Variants in EVC2 observed in about 807,000 individuals in gnomAD.
EVC2 encodes the protein EvC ciliary complex subunit 2, also known as limbin.
Under a neutral mutation model 149.3 loss-of-function variants are expected in EVC2, and 148 were observed. The observed-to-expected ratio is 0.99, with a 90% CI of 0.87 to 1.14. The LOEUF is 1.14. EVC2 is among the 50% of genes most tolerant of loss of function. The pLI is 0.00. For synonymous variants in EVC2, 776 were observed against 649.9 expected, an observed-to-expected ratio of 1.19 and a Z score of -2.95; for missense variants, 1,854 against 1,627.3, an observed-to-expected ratio of 1.14 and a Z score of -2.40.
chr4:5,591,343 G>T (rs576117632), intron 16 of EVC2, among the ~76,000 whole-genome samples: 19 of 152,242 alleles, frequency 1.2e-4, no homozygotes, highest in African/African-American at 4.6e-4. Flanking sequence ...GAGAAATAAA[G>T]GTCTCCTTCC....
chr4:5,649,011 T>C (rs1284183032), intron 9 of EVC2, among the ~76,000 whole-genome samples: 1 of 152,196 alleles, frequency 6.6e-6, no homozygotes, highest in Non-Finnish European at 1.5e-5. Context: ...CTCTATGGCA[T>C]TGTGCCATTT....
chr4:5,633,672 G>A lies in EVC2; in HGVS notation c.1471-1640C>T, dbSNP rs1377219346. Among the ~76,000 whole-genome samples the A allele has an allele frequency of 2.6e-5, 4 of 152,238 alleles. No homozygotes were observed. Among genetic ancestry groups the A allele is most frequent in the African/African-American group, 9.6e-5 (4 of 41,482 alleles). ...GCCTGGCCTTGGGAAGCAGGCAGGT[G>A]TGGCATCATGCCATGGCTGGGCTGA... On this transcript the variant is annotated intron_variant, in intron 10 of 21. Coordinates refer to ENST00000344408, the MANE Select transcript of EVC2 (RefSeq NM_147127.5). The surrounding 1 kb of genome is among the most constrained non-coding windows in gnomAD (Gnocchi z 4.4).
rs73074114 is a variant in EVC2, at chr4:5,570,911, G to A, written c.3361-2271C>T. Among the ~76,000 whole-genome samples, 420 of 152,260 alleles carry A rather than the reference G, an allele frequency of 2.8e-3. 2 individuals carry two copies. Among genetic ancestry groups the A allele is most frequent in the African/African-American group, 8.4e-3 (348 of 41,550 alleles). ...ACTCAGGAATGGAAAACCATATATT[G>A]TATGTTCTCACTTATGAGGAGGAGC... On this transcript the variant is annotated intron_variant, in intron 19 of 21. Transcript: ENST00000344408.
intron 16 of EVC2, among the ~76,000 whole-genome samples, chr4:5,599,414 A>C (rs1325820144): frequency 1.1e-4 from 17 of 152,220 alleles, no homozygotes; most frequent in East Asian, 1.9e-4. Flanking sequence ...AGTTCATGTC[A>C]TTTGTAGGGA....
intron 16 of EVC2, among the ~76,000 whole-genome samples, chr4:5,598,884 A>G (rs1713713058): frequency 6.6e-6 from 1 of 152,310 alleles, no homozygotes; most frequent in Non-Finnish European, 1.5e-5. Context: ...AAAAAAAACA[A>G]ACAACCCCAT....
chr4:5,666,290 C>A (rs1719281225), intron 7 of EVC2, among the ~76,000 whole-genome samples: 1 of 139,364 alleles, frequency 7.2e-6, no homozygotes, highest in Non-Finnish European at 1.6e-5. Flanking sequence ...ATCCCAGCAA[C>A]TACAAATTTT....
chr4:5,613,497 C>G lies in EVC2; in HGVS notation c.2829+1925G>C, dbSNP rs1250705258. 1.3e-5 allele frequency among the ~76,000 whole-genome samples: 2 copies of G among 152,138 alleles called. No individual in the cohort carries two copies. The highest frequency in any genetic ancestry group is 2.9e-5 in the Non-Finnish European group (2 of 68,026). On this transcript the variant is annotated intron_variant, in intron 16 of 21. Transcript: ENST00000344408. The surrounding 1 kb of genome is among the most constrained non-coding windows in gnomAD (Gnocchi z 4.6). ...CCCTGTGCCAGGAGCTCAATGTGCA[C>G]AGGACCCGACCTCTCTCCAGCTCTC...
intron 16 of EVC2, among the ~76,000 whole-genome samples, chr4:5,594,738 G>T (rs1237861435): frequency 6.6e-6 from 1 of 152,254 alleles, no homozygotes; most frequent in African/African-American, 2.4e-5. Context: ...TGGACGAGTT[G>T]AGAGAAGAAG....
At chr4:5,702,201 C>G (rs1721868300) in intron 1 of EVC2, among the ~76,000 whole-genome samples, 1 of 152,310 alleles carries the variant, frequency 6.6e-6, no homozygotes, top group East Asian at 1.9e-4. Flanking sequence ...CACCTCCTTA[C>G]AGCACCTTCC....
In EVC2 at chr4:5,689,316, C is replaced by T; in HGVS notation, c.547G>A (p.Ala183Thr). ...TTGTTAACAAGCAGCCATATGCGGG[C>T]TGTCTGTGCTTCACTCGACCCAGAC... ...LVSGSSEAQT[A>T]RIWLLVNNTK... Residue 183 changes from alanine to threonine, a missense_variant, in exon 5 of 22, where the codon GCC becomes ACC. Transcript: ENST00000344408. The T allele has an allele frequency of 1.9e-6, 3 of 1,614,168 alleles. No homozygotes were observed. Among genetic ancestry groups the T allele is most frequent in the African/African-American group, 1.3e-5 (1 of 75,032 alleles).
chr4:5,655,512 T>C (rs1361696145), intron 9 of EVC2, among the ~76,000 whole-genome samples: 1 of 152,226 alleles, frequency 6.6e-6, no homozygotes, highest in Admixed American at 6.5e-5. Context: ...CTGCTGGAAA[T>C]GCCCCACGCA....
intron 5 of EVC2, among the ~76,000 whole-genome samples, chr4:5,688,399 C>G (rs533328012): frequency 1.3e-5 from 2 of 152,264 alleles, no homozygotes; most frequent in South Asian, 2.1e-4. Context: ...TCAGCCTTGA[C>G]AGCGGCCAGC....
chr4:5,631,570 G>GGT (rs879602176), intron 11 of EVC2, among the ~76,000 whole-genome samples: 30 of 151,346 alleles, frequency 2.0e-4, no homozygotes, highest in Non-Finnish European at 3.2e-4. Flanking sequence ...AGTAGACTGG[G>GGT]GGGGGGAACT....
intron 9 of EVC2, among the ~76,000 whole-genome samples, chr4:5,641,982 C>T (rs1032136246): frequency 3.9e-5 from 6 of 152,154 alleles, no homozygotes; most frequent in East Asian, 1.9e-4. Context: ...ATGTTCCCCT[C>T]CCTGTGTCCA....
rs200119306 is a variant in EVC2 at position 5,565,250 on chromosome 4, A to G, written c.3659+8T>C. The G allele has an allele frequency of 5.4e-4, 874 of 1,613,128 alleles. 6 individuals are homozygous for G. In the African/African-American group the frequency reaches 8.2e-3, roughly 15 times the overall value. On this transcript the variant is annotated splice_region_variant and intron_variant, in intron 21 of 21. Coordinates refer to ENST00000344408, the MANE Select transcript of EVC2 (RefSeq NM_147127.5). ...TCCCCAGCCACATGAGCAGGTGCCC[A>G]TCATTACCTCTGCTTTCTCTTGCGG...
At chr4:5,598,906 C>A (rs1174299781) in intron 16 of EVC2, among the ~76,000 whole-genome samples, 1 of 152,102 alleles carries the variant, frequency 6.6e-6, no homozygotes, top group South Asian at 2.1e-4. Context: ...AAAAAGTGGG[C>A]GAAGGACATG....
At chr4:5,565,380 T>G in intron 20 of EVC2, 21 bp from the exon 21 acceptor site, 1 of 1,612,150 alleles carries the variant, frequency 6.2e-7, no homozygotes, top group Non-Finnish European at 8.5e-7. Context: ...GAAGGGAGTC[T>G]TATAGTTTCA....
At position 5,697,576 on chromosome 4, in the gene EVC2, C is replaced by T; in HGVS notation, c.283+17G>A. ...CATGCTCAAAACAGGGGAACATCAA[C>T]CAGAAGAAAAACTCACCTGCAGTCT... On this transcript the variant is annotated intron_variant, in intron 2 of 21. Transcript: ENST00000344408. 1 of 1,613,928 alleles carries T rather than the reference C, an allele frequency of 6.2e-7. No individual in the cohort carries two copies. Among genetic ancestry groups the T allele is most frequent in the South Asian group, 1.1e-5 (1 of 91,072 alleles).
intron 16 of EVC2, among the ~76,000 whole-genome samples, chr4:5,594,497 C>T (rs541699431): frequency 6.0e-4 from 91 of 152,324 alleles, no homozygotes; most frequent in African/African-American, 2.0e-3. Context: ...CTCCAACAGA[C>T]CTGCAGCTGA....
Sources: gnomAD v4.1 joint callset for allele counts (sites outside exome capture counted in the v4.1 genomes callset) on GRCh38, gnomAD v4.1.1 for gene constraint, Gnocchi (gnomAD v3.1) non-coding constraint, MANE v1.5 for transcripts, NCBI Gene and HGNC (gene_info 2026-07-23, HGNC 2026-07-21) for gene names.